The following THRB variants were observed in gnomAD, a reference collection of about 807,000 sequenced individuals.
THRB encodes nuclear receptor subfamily 1 group A member 2.
Under a neutral mutation model 47.8 loss-of-function variants are expected in THRB, and 12 were observed. The observed-to-expected ratio is 0.25, with a 90% CI of 0.16 to 0.41. THRB has a LOEUF of 0.41. Ranked by LOEUF, THRB falls within the 10% of genes least tolerant of loss-of-function variation. THRB has a pLI of 1.00. For synonymous variants in THRB, 218 were observed against 212.2 expected, an observed-to-expected ratio of 1.03 and a Z score of -0.24; for missense variants, 348 against 589.2, an observed-to-expected ratio of 0.59 and a Z score of 4.24.
chr3:24,196,257 C>G (rs1260499426), intron 4 of THRB, among the ~76,000 whole-genome samples: 1 of 152,100 alleles, frequency 6.6e-6, no homozygotes, highest in Admixed American at 6.6e-5. Context: ...AAACTTTGAC[C>G]TAGTCCAGAA....
In THRB at chr3:24,437,684, G is replaced by T. The variant is rs183118811; in HGVS notation, c.-261+56968C>A. ...AACAAAAAAGTTTGCTGGAAAAAAA[G>T]GTGGGTAACAGATCTTTGTTACTTT... On this transcript the variant is annotated intron_variant, in intron 1 of 10. Coordinates refer to ENST00000646209, the MANE Select transcript of THRB (RefSeq NM_001354712.2). 3.9e-3 allele frequency among the ~76,000 whole-genome samples: 591 copies of T among 152,056 alleles called. 1 individual carries two copies. Among genetic ancestry groups the T allele is most frequent in the Non-Finnish European group, 5.5e-3 (374 of 67,984 alleles).
At chr3:24,134,045 T>C (rs1356329845) in intron 8 of THRB, among the ~76,000 whole-genome samples, 1 of 152,158 alleles carries the variant, frequency 6.6e-6, no homozygotes, top group Non-Finnish European at 1.5e-5. Context: ...TACAGGAAAC[T>C]TGGCAAACTT....
At chr3:24,127,822 A>C in intron 9 of THRB, 65 bp from the exon 10 acceptor site, 2 of 1,551,686 alleles carry the variant, frequency 1.3e-6, no homozygotes, top group South Asian at 1.1e-5. Flanking sequence ...AACAACATAC[A>C]GTATCTTAAA....
chr3:24,134,508 C>A (rs183963352), intron 8 of THRB, among the ~76,000 whole-genome samples: 1 of 152,262 alleles, frequency 6.6e-6, no homozygotes, highest in East Asian at 1.9e-4. Context: ...CGCAGGTGAG[C>A]AAACTAGGGA....
chr3:24,290,457 T>C (rs746310396), intron 3 of THRB, among the ~76,000 whole-genome samples: 1 of 152,206 alleles, frequency 6.6e-6, no homozygotes, highest in South Asian at 2.1e-4. Context: ...ATCCTGGGCA[T>C]GTTCACTGTA....
chr3:24,183,502 G>T (rs1278730798), intron 5 of THRB, among the ~76,000 whole-genome samples: 1 of 150,456 alleles, frequency 6.6e-6, no homozygotes, highest in Non-Finnish European at 1.5e-5. Context: ...TGAGTAGCTG[G>T]GATTACAGGC....
At chr3:24,134,107 T>G (rs545359435) in intron 8 of THRB, among the ~76,000 whole-genome samples, 32 of 152,350 alleles carry the variant, frequency 2.1e-4, no homozygotes, top group African/African-American at 7.7e-4. Context: ...GGCAGTTCTC[T>G]GCTGTTTACT....
chr3:24,343,830 G>C (rs1456798716), intron 1 of THRB, among the ~76,000 whole-genome samples: 3 of 150,480 alleles, frequency 2.0e-5, no homozygotes, highest in African/African-American at 7.3e-5. Flanking sequence ...TGTATTGACT[G>C]TTCTTTAGTT....
intron 1 of THRB, among the ~76,000 whole-genome samples, chr3:24,461,684 T>A (rs2073716536): frequency 6.6e-6 from 1 of 152,106 alleles, no homozygotes; most frequent in Admixed American, 6.6e-5. Flanking sequence ...TAATTGAGGG[T>A]TTTAAATATT....
intron 1 of THRB, among the ~76,000 whole-genome samples, chr3:24,436,833 G>A (rs2071010124): frequency 6.6e-6 from 1 of 152,016 alleles, no homozygotes; most frequent in South Asian, 2.1e-4. Flanking sequence ...ATAATAATGT[G>A]AATCTCTTCA....
Position 24,333,979 on chromosome 3 carries a change from G to A in THRB, c.-189+3321C>T, listed in dbSNP as rs149750270. ...TCCTTGCTCATCCCAGTCCCATTTC[G>A]CTCATCAGGCTCTAAAACGCAGAAT... On this transcript the variant is annotated intron_variant, in intron 2 of 10. Coordinates refer to ENST00000646209, the MANE Select transcript of THRB (RefSeq NM_001354712.2). Among the ~76,000 whole-genome samples, 221 of 152,008 alleles carry A rather than the reference G, an allele frequency of 1.5e-3. 2 individuals are homozygous for A. The highest frequency in any genetic ancestry group is 3.5e-3 in the South Asian group (17 of 4,812).
intron 3 of THRB, among the ~76,000 whole-genome samples, chr3:24,246,523 A>G (rs898616173): frequency 6.6e-6 from 1 of 152,048 alleles, no homozygotes; most frequent in Non-Finnish European, 1.5e-5. Flanking sequence ...CTCTAGCATG[A>G]TACTGAGTAG....
At chr3:24,196,666 C>T (rs943262794) in intron 4 of THRB, among the ~76,000 whole-genome samples, 6 of 152,144 alleles carry the variant, frequency 3.9e-5, no homozygotes, top group African/African-American at 1.4e-4. Flanking sequence ...GATGAGTCAC[C>T]TCACAGCAGA....
intron 1 of THRB, among the ~76,000 whole-genome samples, chr3:24,460,771 G>C (rs1179179970): frequency 6.6e-6 from 1 of 152,138 alleles, no homozygotes; most frequent in Non-Finnish European, 1.5e-5. Context: ...AGGAATCTTA[G>C]TTTCTATTTA....
chr3:24,361,607 G>A (rs989553583), intron 1 of THRB, among the ~76,000 whole-genome samples: 2 of 152,084 alleles, frequency 1.3e-5, no homozygotes, highest in African/African-American at 2.4e-5. Flanking sequence ...CCAAAGAAAG[G>A]AGACCCAAGA....
At chr3:24,407,988 C>T (rs1294542024) in intron 1 of THRB, among the ~76,000 whole-genome samples, 1 of 151,642 alleles carries the variant, frequency 6.6e-6, no homozygotes, top group Non-Finnish European at 1.5e-5. Flanking sequence ...TAAAGTTATG[C>T]CTTTTCATAT....
intron 1 of THRB, among the ~76,000 whole-genome samples, chr3:24,342,683 C>T (rs1286972636): frequency 6.6e-6 from 1 of 152,126 alleles, no homozygotes; most frequent in Non-Finnish European, 1.5e-5. Context: ...TGTGGGCAAG[C>T]AGGTGAATAC....
chr3:24,238,710 C>T (rs2049169524), intron 3 of THRB, among the ~76,000 whole-genome samples: 1 of 152,234 alleles, frequency 6.6e-6, no homozygotes, highest in Non-Finnish European at 1.5e-5. Context: ...CTGCAGTGAG[C>T]TCCTTCAGAT....
At chr3:24,367,398 A>T (rs1475599450) in intron 1 of THRB, among the ~76,000 whole-genome samples, 4 of 152,196 alleles carry the variant, frequency 2.6e-5, no homozygotes, top group Admixed American at 2.6e-4. Flanking sequence ...GGTCTTTATC[A>T]ACCACACTGG....
Sources: allele counts gnomAD v4.1 joint callset (sites outside exome capture counted in the v4.1 genomes callset), GRCh38; gene constraint gnomAD v4.1.1; transcripts MANE v1.5; gene names NCBI Gene and HGNC (gene_info 2026-07-23, HGNC 2026-07-21).